Variants in JAZF1 observed in about 807,000 individuals in gnomAD.
JAZF1 encodes the protein juxtaposed with another zinc finger protein 1.
A neutral mutation model predicts 26.4 loss-of-function variants in JAZF1; 8 were observed. That is an observed-to-expected ratio of 0.30 (90% CI 0.18 to 0.55). JAZF1 has a LOEUF of 0.55. JAZF1 is among the 20% of genes least tolerant of loss of function. The probability of loss-of-function intolerance (pLI) is 0.94; values close to 1 mark genes in which losing one functional copy is unlikely to be tolerated. For synonymous variants in JAZF1, 126 were observed against 122.3 expected (o/e 1.03, Z -0.20); for missense variants, 199 against 322.0 (o/e 0.62, Z 2.92).
chr7:28,169,356 A>T (rs111778557), intron 1 of JAZF1, among the ~76,000 whole-genome samples: 1 of 152,260 alleles, frequency 6.6e-6, no homozygotes, highest in Non-Finnish European at 1.5e-5. Flanking sequence ...TAAATCACAC[A>T]TCATCAACCA....
rs542312027 is a variant in JAZF1 at position 28,102,513 on chromosome 7, T to C, written c.115+77950A>G. Among the ~76,000 whole-genome samples the C allele has an allele frequency of 1.8e-3, 276 of 152,208 alleles. 1 individual carries two copies. The highest frequency in any genetic ancestry group is 6.3e-3 in the African/African-American group (260 of 41,524). On this transcript the variant is annotated intron_variant, in intron 1 of 4. Transcript: ENST00000283928. Reference sequence around the variant, plus strand: ...CCATATCATAAATATCCAGGCACTATCTGAGAAAAAAATACAACAATGTAT... The same window carrying C: ...CCATATCATAAATATCCAGGCACTACCTGAGAAAAAAATACAACAATGTAT...
intron 2 of JAZF1, among the ~76,000 whole-genome samples, chr7:27,986,651 C>A (rs1463266262): frequency 1.5e-5 from 2 of 135,762 alleles, no homozygotes; most frequent in African/African-American, 5.7e-5. Context: ...CCCTCCCCCT[C>A]TCCCTCCCTC....
At chr7:28,056,435 TAC>T (rs3073772) in intron 1 of JAZF1, among the ~76,000 whole-genome samples, 3,610 of 98,112 alleles carry the variant, frequency 0.037, 116 homozygotes, top group East Asian at 0.19. Flanking sequence ...TTTCAACAAC[TAC>T]ACACACACAC....
intron 1 of JAZF1, among the ~76,000 whole-genome samples, chr7:28,141,262 A>G (rs1200091043): frequency 6.6e-6 from 1 of 152,230 alleles, no homozygotes; most frequent in African/African-American, 2.4e-5. Context: ...CCTACATGGA[A>G]AGCCTGACAA....
chr7:28,141,986 A>G (rs1159090661), intron 1 of JAZF1, among the ~76,000 whole-genome samples: 3 of 152,202 alleles, frequency 2.0e-5, no homozygotes, highest in African/African-American at 4.8e-5. Context: ...ATTATACTAC[A>G]TCTGCAGAGC....
intron 2 of JAZF1, among the ~76,000 whole-genome samples, chr7:27,976,220 C>T (rs1583488876): frequency 2.6e-5 from 4 of 152,090 alleles, no homozygotes; most frequent in Non-Finnish European, 4.4e-5. Context: ...GTTGTGTGCG[C>T]CTGTAGTCCC....
chr7:27,877,932 T>A (rs536879232), intron 3 of JAZF1, among the ~76,000 whole-genome samples: 7 of 152,202 alleles, frequency 4.6e-5, no homozygotes, highest in African/African-American at 1.7e-4. Context: ...TGGAATAACT[T>A]AAGTATGCAA....
intron 2 of JAZF1, among the ~76,000 whole-genome samples, chr7:27,933,267 A>C (rs1300449004): frequency 1.3e-5 from 2 of 152,224 alleles, no homozygotes; most frequent in African/African-American, 4.8e-5. Flanking sequence ...ACAGATGGAG[A>C]ATTCAAAAAT....
chr7:27,870,988 C>T (rs1194988719), intron 3 of JAZF1, among the ~76,000 whole-genome samples: 2 of 152,128 alleles, frequency 1.3e-5, no homozygotes, highest in Non-Finnish European at 2.9e-5. Flanking sequence ...TTCATGTACC[C>T]CCAGCCACAG....
chr7:27,988,831 GAAC>G (rs767026405), intron 2 of JAZF1, among the ~76,000 whole-genome samples: 78 of 136,696 alleles, frequency 5.7e-4, no homozygotes, highest in African/African-American at 1.1e-3. Flanking sequence ...AGTGTGGAAA[GAAC>G]AACAGAAAAA....
At chr7:27,987,266 C>T (rs574779728) in intron 2 of JAZF1, among the ~76,000 whole-genome samples, 42 of 151,858 alleles carry the variant, frequency 2.8e-4, no homozygotes, top group Admixed American at 1.2e-3. Flanking sequence ...TCTGCCCCGA[C>T]GCCCCGTCTG....
intron 1 of JAZF1, among the ~76,000 whole-genome samples, chr7:28,151,270 A>G (rs1304130679): frequency 6.6e-6 from 1 of 151,362 alleles, no homozygotes; most frequent in East Asian, 2.0e-4. Flanking sequence ...CACTCGGCTA[A>G]TTTTTTGTAT....
intron 1 of JAZF1, among the ~76,000 whole-genome samples, chr7:28,073,167 A>G (rs1393191875): frequency 6.6e-6 from 1 of 152,180 alleles, no homozygotes; most frequent in Non-Finnish European, 1.5e-5. Flanking sequence ...GACCCTCTCC[A>G]ATCCCCTATG....
chr7:27,975,394 C>T (rs2128360759), intron 2 of JAZF1, among the ~76,000 whole-genome samples: 1 of 152,288 alleles, frequency 6.6e-6, no homozygotes, highest in Admixed American at 6.5e-5. Flanking sequence ...CCAGGCTCCA[C>T]CTCCAACACT....
chr7:27,858,922 TATC>T (rs1171978894), intron 3 of JAZF1, among the ~76,000 whole-genome samples: 4 of 152,116 alleles, frequency 2.6e-5, no homozygotes, highest in African/African-American at 7.2e-5. Flanking sequence ...CAAAAGAAAC[TATC>T]ATCAGAGTGA....
chr7:27,944,978 C>T (rs1451097914), intron 2 of JAZF1, among the ~76,000 whole-genome samples: 1 of 152,054 alleles, frequency 6.6e-6, no homozygotes, highest in East Asian at 1.9e-4. Flanking sequence ...TAATACATTT[C>T]GGAGTTCGAG....
intron 1 of JAZF1, among the ~76,000 whole-genome samples, chr7:28,046,356 C>T (rs1708138874): frequency 1.3e-5 from 2 of 152,144 alleles, no homozygotes; most frequent in Non-Finnish European, 2.9e-5. Flanking sequence ...GGCATCTGTC[C>T]GTGTCAAACC....
chr7:28,059,498 AAAC>A (rs1199706055), intron 1 of JAZF1, among the ~76,000 whole-genome samples: 2 of 152,206 alleles, frequency 1.3e-5, no homozygotes, highest in Non-Finnish European at 2.9e-5. Context: ...GACATGCTAT[AAAC>A]AACACATATT....
intron 2 of JAZF1, among the ~76,000 whole-genome samples, chr7:27,957,303 T>C (rs570745973): frequency 6.6e-6 from 1 of 152,352 alleles, no homozygotes; most frequent in South Asian, 2.1e-4. Context: ...CAGTGCTTAA[T>C]TATTTATAAA....
Sources: gnomAD v4.1 joint callset for allele counts (sites outside exome capture counted in the v4.1 genomes callset) on GRCh38, gnomAD v4.1.1 for gene constraint, MANE v1.5 for transcripts, NCBI Gene and HGNC (gene_info 2026-07-23, HGNC 2026-07-21) for gene names.